Variants in C12orf42 observed in about 807,000 individuals in gnomAD.
C12orf42 encodes the protein chromosome 12 open reading frame 42.
Under a neutral mutation model 21.6 loss-of-function variants are expected in C12orf42, and 25 were observed. The observed-to-expected ratio is 1.16, with a 90% CI of 0.84 to 1.62. The LOEUF (loss-of-function observed/expected upper bound fraction) is 1.62, where lower values mean the gene tolerates loss of function less well. Among genes scored for constraint, C12orf42 ranks in the 40% most tolerant of loss-of-function variants. The pLI, the probability that C12orf42 is intolerant of heterozygous loss-of-function variation, is 0.00. For missense variants in C12orf42, 483 were observed against 459.3 expected (o/e 1.05, Z -0.47); for synonymous variants, 174 against 175.0 (o/e 0.99, Z 0.05).
downstream of C12orf42, among the ~76,000 whole-genome samples, chr12:103,232,853 G>A (rs1343157392): frequency 6.6e-6 from 1 of 152,086 alleles, no homozygotes; most frequent in Admixed American, 6.5e-5. Flanking sequence ...TGTCCAGTTG[G>A]TTCAACACTA....
At chr12:103,075,100 A>G in the C12orf42 span, among the ~76,000 whole-genome samples, 1 of 152,188 alleles carries the variant, frequency 6.6e-6, no homozygotes, top group Non-Finnish European at 1.5e-5. Context: ...CTAAAAAAAC[A>G]TAAACAAACA....
At chr12:103,084,057 G>C in the C12orf42 span, among the ~76,000 whole-genome samples, 1 of 152,132 alleles carries the variant, frequency 6.6e-6, no homozygotes, top group Non-Finnish European at 1.5e-5. Flanking sequence ...ACATTTTTAA[G>C]ATGCACTTCC....
intron 4 of C12orf42, among the ~76,000 whole-genome samples, chr12:103,353,598 G>A (rs1673042283): frequency 6.6e-6 from 1 of 152,104 alleles, no homozygotes; most frequent in Admixed American, 6.6e-5. Context: ...CCCTCTCTGG[G>A]AGACACTTCC....
chr12:103,356,105 T>C (rs2043525606), intron 4 of C12orf42, among the ~76,000 whole-genome samples: 2 of 152,078 alleles, frequency 1.3e-5, no homozygotes, highest in South Asian at 4.1e-4. Context: ...TGGGCGCTTC[T>C]AACCACAATG....
chr12:103,086,114 CT>C, the C12orf42 span, among the ~76,000 whole-genome samples: 1 of 152,050 alleles, frequency 6.6e-6, no homozygotes, highest in African/African-American at 2.4e-5. Flanking sequence ...AATCTATTTG[CT>C]TTTTAGAATG....
At chr12:103,175,963 T>C in the C12orf42 span, among the ~76,000 whole-genome samples, 1 of 152,328 alleles carries the variant, frequency 6.6e-6, no homozygotes, top group Non-Finnish European at 1.5e-5. Flanking sequence ...TGCTGGACAC[T>C]GGACACTGAT....
chr12:103,196,849 G>C, the C12orf42 span, among the ~76,000 whole-genome samples: 2 of 151,972 alleles, frequency 1.3e-5, no homozygotes, highest in Admixed American at 1.3e-4. Context: ...ATATACAGTT[G>C]GGTTTTGCTT....
At chr12:103,403,994 A>AG (rs2048236302) in intron 2 of C12orf42, among the ~76,000 whole-genome samples, 1 of 152,208 alleles carries the variant, frequency 6.6e-6, no homozygotes, top group South Asian at 2.1e-4. Flanking sequence ...AATACCTCTT[A>AG]GGGTAGTTCA....
At chr12:103,486,439 T>A (rs892067113) in intron 1 of C12orf42, among the ~76,000 whole-genome samples, 1 of 152,178 alleles carries the variant, frequency 6.6e-6, no homozygotes, top group Non-Finnish European at 1.5e-5. Context: ...ATTCTCTTTT[T>A]TTTTTGTTTT....
the C12orf42 span, among the ~76,000 whole-genome samples, chr12:103,184,695 T>A: frequency 6.9e-6 from 1 of 144,680 alleles, no homozygotes; most frequent in Non-Finnish European, 1.5e-5. Flanking sequence ...ACATAAGTAC[T>A]ATAGGCTGAA....
chr12:103,373,772 T>C (rs1043427549), intron 3 of C12orf42, among the ~76,000 whole-genome samples: 1 of 152,234 alleles, frequency 6.6e-6, no homozygotes, highest in Non-Finnish European at 1.5e-5. Flanking sequence ...GAATCATTCT[T>C]TAGTGGAAAA....
intron 2 of C12orf42, among the ~76,000 whole-genome samples, chr12:103,473,034 A>G (rs1953750675): frequency 6.6e-6 from 1 of 152,198 alleles, no homozygotes; most frequent in South Asian, 2.1e-4. Context: ...CTCATGCTAT[A>G]AATCTCAGAG....
intron 2 of C12orf42, among the ~76,000 whole-genome samples, chr12:103,425,967 A>T (rs1406695856): frequency 6.6e-6 from 1 of 152,256 alleles, no homozygotes; most frequent in African/African-American, 2.4e-5. Flanking sequence ...GGTCACCAGC[A>T]TCAAAGACCA....
chr12:103,502,006 T>C, the C12orf42 span, among the ~76,000 whole-genome samples: 26 of 152,202 alleles, frequency 1.7e-4, no homozygotes, highest in Non-Finnish European at 3.1e-4. Flanking sequence ...GCCTAGATCA[T>C]GGTAGGCGTT....
the C12orf42 span, among the ~76,000 whole-genome samples, chr12:103,052,547 A>C: frequency 1.3e-5 from 2 of 151,914 alleles, no homozygotes; most frequent in Non-Finnish European, 2.9e-5. Context: ...GATTCAAAGG[A>C]GTTATTTATA....
chr12:103,215,138 G>A, the C12orf42 span, among the ~76,000 whole-genome samples: 1 of 151,968 alleles, frequency 6.6e-6, no homozygotes, highest in African/African-American at 2.4e-5. Flanking sequence ...TCAGTGCAGG[G>A]GAAGAAATAA....
chr12:103,229,041 C>T, the C12orf42 span, among the ~76,000 whole-genome samples: 1 of 152,076 alleles, frequency 6.6e-6, no homozygotes, highest in Non-Finnish European at 1.5e-5. Context: ...AATTGCACAC[C>T]TATTATACAC....
chr12:103,245,179 T>C (rs1018017736), intron 10 of C12orf42, among the ~76,000 whole-genome samples: 1 of 152,108 alleles, frequency 6.6e-6, no homozygotes, highest in Non-Finnish European at 1.5e-5. Flanking sequence ...ACTATTATGT[T>C]GAGTTAAGAA....
At chr12:103,303,336 CTT>C (rs2136482302) in intron 5 of C12orf42, among the ~76,000 whole-genome samples, 1 of 151,702 alleles carries the variant, frequency 6.6e-6, no homozygotes, top group Non-Finnish European at 1.5e-5. Flanking sequence ...CATATATAAA[CTT>C]CAAGATTTAT....
Sources: gnomAD v4.1 joint callset for allele counts (sites outside exome capture counted in the v4.1 genomes callset) on GRCh38, gnomAD v4.1.1 for gene constraint, MANE v1.5 for transcripts, NCBI Gene and HGNC (gene_info 2026-07-23, HGNC 2026-07-21) for gene names.